The following SLC25A48 variants were observed in gnomAD, a reference collection of about 807,000 sequenced individuals.
The protein encoded by SLC25A48 is CTC-321K16.1.
In SLC25A48, 29 loss-of-function variants were observed where a neutral mutation model predicts 32.2. That is an observed-to-expected ratio of 0.90 (90% CI 0.67 to 1.23). The LOEUF is 1.23. Among genes scored for constraint, SLC25A48 ranks in the 50% most tolerant of loss-of-function variants. The pLI, the probability that SLC25A48 is intolerant of heterozygous loss-of-function variation, is 0.00. For synonymous variants in SLC25A48, 164 were observed against 172.3 expected (o/e 0.95, Z 0.38); for missense variants, 399 against 422.7 (o/e 0.94, Z 0.49).
rs762093431 is a variant in SLC25A48, at chr5:135,871,567, G to T, written c.528G>T (p.Gly176=). ...TTGTGAGGAATGAGGGCCTGGCGGG[G>T]CTATACCGGGGGGCCAGTGCCATGC... ...TTIVRNEGLA[G]LYRGASAMLL... Residue 176 remains glycine, a synonymous_variant, in exon 5 of 8, where the codon GGG becomes GGT. Coordinates refer to ENST00000681962, the MANE Select transcript of SLC25A48 (RefSeq NM_001349336.2). 3 of 1,614,194 alleles carry T rather than the reference G, an allele frequency of 1.9e-6. No homozygotes were observed. The highest frequency in any genetic ancestry group is 2.5e-6 in the Non-Finnish European group (3 of 1,180,016).
chr5:135,858,190 T>C (rs1760491841), intron 4 of SLC25A48, among the ~76,000 whole-genome samples: 1 of 152,228 alleles, frequency 6.6e-6, no homozygotes, highest in South Asian at 2.1e-4. Context: ...TGTTCTTCCC[T>C]GTGTGCCAGG....
At chr5:135,771,904 A>T (rs192291623) in intron 3 of SLC25A48, among the ~76,000 whole-genome samples, 1 of 151,558 alleles carries the variant, frequency 6.6e-6, no homozygotes, top group Non-Finnish European at 1.5e-5. Flanking sequence ...GGATGCTATT[A>T]CTTCCAATAC....
chr5:135,657,371 T>C (rs1753277927), intron 3 of SLC25A48, among the ~76,000 whole-genome samples: 1 of 152,206 alleles, frequency 6.6e-6, no homozygotes, highest in African/African-American at 2.4e-5. Flanking sequence ...GGGCTTTCTG[T>C]GGGAAATGAA....
At chr5:135,855,275 T>G (rs1184837144) in intron 4 of SLC25A48, among the ~76,000 whole-genome samples, 1 of 152,190 alleles carries the variant, frequency 6.6e-6, no homozygotes, top group Non-Finnish European at 1.5e-5. Context: ...ACCTTCAATT[T>G]GTAAAAAATG....
intron 1 of SLC25A48, among the ~76,000 whole-genome samples, chr5:135,836,645 T>C (rs993937194): frequency 3.3e-5 from 5 of 152,222 alleles, no homozygotes; most frequent in South Asian, 2.1e-4. Flanking sequence ...CTTAATCTCC[T>C]TTCTGTAAAT....
chr5:135,796,905 C>T (rs1757195657), intron 3 of SLC25A48, among the ~76,000 whole-genome samples: 1 of 151,684 alleles, frequency 6.6e-6, no homozygotes, highest in Admixed American at 6.6e-5. Flanking sequence ...AGTGAATGTA[C>T]ACCCCTCCTG....
intron 3 of SLC25A48, chr5:135,746,432 A>G: frequency 4.9e-6 from 1 of 203,830 alleles, no homozygotes; most frequent in Non-Finnish European, 9.9e-6. Context: ...TCCTCCAGGA[A>G]CTCACGTGAG....
chr5:135,836,959 TCCCCCCCCCCACC>T (rs1554079840), intron 1 of SLC25A48, among the ~76,000 whole-genome samples: 2 of 24,826 alleles, frequency 8.1e-5, no homozygotes, highest in East Asian at 1.2e-3. Flanking sequence ...TTTGATATTA[TCCCCCCCCCCACC>T]CCCCCCCCCC....
At chr5:135,580,731 AC>A (rs1751213079) in intron 1 of SLC25A48, among the ~76,000 whole-genome samples, 1 of 151,962 alleles carries the variant, frequency 6.6e-6, no homozygotes, top group Non-Finnish European at 1.5e-5. Context: ...AAATCAGAAA[AC>A]CCAAGCAGAA....
At chr5:135,592,659 GTGAGAGAGAGAT>G (rs1751554410) in intron 1 of SLC25A48, among the ~76,000 whole-genome samples, 1 of 152,120 alleles carries the variant, frequency 6.6e-6, no homozygotes, top group Admixed American at 6.5e-5. Flanking sequence ...GTATGTGTGT[GTGAGAGAGAGAT>G]TGAGAGAGAG....
chr5:135,867,918 G>A (rs907650345), intron 4 of SLC25A48, among the ~76,000 whole-genome samples: 1 of 152,216 alleles, frequency 6.6e-6, no homozygotes, highest in African/African-American at 2.4e-5. Context: ...CTCAATGAGT[G>A]ACACCTCATG....
At chr5:135,865,678 C>T (rs935842036) in intron 4 of SLC25A48, among the ~76,000 whole-genome samples, 3 of 152,014 alleles carry the variant, frequency 2.0e-5, no homozygotes, top group South Asian at 2.1e-4. Context: ...GGAAACTCAC[C>T]GCCACACTAA....
chr5:135,607,516 G>A (rs1169899873), intron 1 of SLC25A48, among the ~76,000 whole-genome samples: 1 of 152,204 alleles, frequency 6.6e-6, no homozygotes, highest in East Asian at 1.9e-4. Context: ...ACCTCTAGGA[G>A]GAGAGATCCT....
chr5:135,833,219 TGC>T (rs1390703263), upstream of SLC25A48, among the ~76,000 whole-genome samples: 1 of 152,262 alleles, frequency 6.6e-6, no homozygotes, highest in Non-Finnish European at 1.5e-5. Flanking sequence ...ACTCCTGCTC[TGC>T]TCCAGCTCGT....
At chr5:135,852,245 T>TC in intron 3 of SLC25A48, among the ~76,000 whole-genome samples, 1 of 152,186 alleles carries the variant, frequency 6.6e-6, no homozygotes, top group African/African-American at 2.4e-5. Context: ...CTCCTCAGGA[T>TC]CCCCCTTGGC....
chr5:135,584,942 T>G (rs996722982), intron 1 of SLC25A48, among the ~76,000 whole-genome samples: 1 of 152,230 alleles, frequency 6.6e-6, no homozygotes, highest in African/African-American at 2.4e-5. Context: ...TCTCCTTGCT[T>G]TCCAGTTTTT....
chr5:135,667,738 C>T (rs955521957), intron 3 of SLC25A48, among the ~76,000 whole-genome samples: 4 of 152,184 alleles, frequency 2.6e-5, no homozygotes, highest in South Asian at 2.1e-4. Flanking sequence ...CAAATAAATA[C>T]CTTTGAATGA....
At chr5:135,793,397 T>C (rs1757085070) in intron 3 of SLC25A48, among the ~76,000 whole-genome samples, 1 of 151,794 alleles carries the variant, frequency 6.6e-6, no homozygotes, top group Non-Finnish European at 1.5e-5. Context: ...TTTGGGGAGA[T>C]ATTACTCTCT....
At chr5:135,601,452 A>G (rs115293447) in intron 1 of SLC25A48, among the ~76,000 whole-genome samples, 203 of 152,306 alleles carry the variant, frequency 1.3e-3, no homozygotes, top group African/African-American at 4.8e-3. Flanking sequence ...CTTCCAGGGA[A>G]ATATTCTTGT....
Sources: allele counts gnomAD v4.1 joint callset (sites outside exome capture counted in the v4.1 genomes callset), GRCh38; gene constraint gnomAD v4.1.1; transcripts MANE v1.5; gene names NCBI Gene and HGNC (gene_info 2026-07-23, HGNC 2026-07-21).